Variants in RANBP2 observed in about 807,000 individuals in gnomAD.
The protein encoded by RANBP2 is E3 SUMO-protein ligase RanBP2.
RANBP2 carries 57 observed loss-of-function variants against 303.6 expected under a neutral mutation model. The ratio of observed to expected loss-of-function variants is 0.19; its 90% CI spans 0.15 to 0.23. The LOEUF (loss-of-function observed/expected upper bound fraction) is 0.23, where lower values mean the gene tolerates loss of function less well. Ranked by LOEUF, RANBP2 falls within the 10% of genes least tolerant of loss-of-function variation. RANBP2 has a pLI of 1.00. For missense variants in RANBP2, 3,138 were observed against 3,780.8 expected, an observed-to-expected ratio of 0.83 and a Z score of 4.46; for synonymous variants, 1,167 against 1,301.5, an observed-to-expected ratio of 0.90 and a Z score of 2.23.
At chr2:108,886,841 G>A in the RANBP2 span, among the ~76,000 whole-genome samples, 1 of 152,154 alleles carries the variant, frequency 6.6e-6, no homozygotes, top group Admixed American at 6.5e-5. Flanking sequence ...CTATTCATTA[G>A]GTTGTCTCTT....
At chr2:109,200,826 A>G in the RANBP2 span, among the ~76,000 whole-genome samples, 1 of 152,194 alleles carries the variant, frequency 6.6e-6, no homozygotes. Flanking sequence ...TTCACAGGAC[A>G]AGAGAAAAGC....
the RANBP2 span, among the ~76,000 whole-genome samples, chr2:109,756,422 A>T: frequency 7.8e-5 from 9 of 115,854 alleles, no homozygotes; most frequent in South Asian, 3.2e-4. Flanking sequence ...CAGATGAGGA[A>T]AGAGACAAAG....
the RANBP2 span, among the ~76,000 whole-genome samples, chr2:109,516,725 G>A: frequency 6.6e-6 from 1 of 152,250 alleles, no homozygotes; most frequent in African/African-American, 2.4e-5. Context: ...CAGTGCAAGC[G>A]GGATCCCCTC....
the RANBP2 span, chr2:109,545,761 AT>A: frequency 2.8e-6 from 4 of 1,426,186 alleles, no homozygotes; most frequent in Non-Finnish European, 3.6e-6. Context: ...AAGAGCAGCC[AT>A]TTTCCCCCAG....
the RANBP2 span, among the ~76,000 whole-genome samples, chr2:109,380,779 C>T: frequency 1.3e-5 from 2 of 152,198 alleles, no homozygotes; most frequent in African/African-American, 2.4e-5. Context: ...CCCTGCCCAC[C>T]AGGTGCCCCC....
the RANBP2 span, among the ~76,000 whole-genome samples, chr2:108,809,315 C>T: frequency 9.9e-5 from 15 of 152,100 alleles, no homozygotes; most frequent in Non-Finnish European, 1.9e-4. Flanking sequence ...TTCATGATTT[C>T]ATACACAGTT....
the RANBP2 span, among the ~76,000 whole-genome samples, chr2:109,243,805 G>A: frequency 3.3e-5 from 5 of 152,202 alleles, no homozygotes; most frequent in African/African-American, 7.2e-5. Context: ...TTCTCTGTGC[G>A]TTGGGAAGCC....
the RANBP2 span, among the ~76,000 whole-genome samples, chr2:109,201,488 C>T: frequency 6.6e-6 from 1 of 152,200 alleles, no homozygotes; most frequent in Non-Finnish European, 1.5e-5. Flanking sequence ...TCTCTCTCTC[C>T]CCCTGGCTAC....
At chr2:109,707,887 G>A in the RANBP2 span, among the ~76,000 whole-genome samples, 1 of 152,214 alleles carries the variant, frequency 6.6e-6, no homozygotes, top group Admixed American at 6.5e-5. Context: ...TCTCAGATAA[G>A]CTCTCCTTGG....
the RANBP2 span, among the ~76,000 whole-genome samples, chr2:109,398,071 C>T: frequency 2.0e-5 from 3 of 152,188 alleles, no homozygotes; most frequent in African/African-American, 7.2e-5. Context: ...GTGGTTTATG[C>T]TGACCAGAGC....
the RANBP2 span, among the ~76,000 whole-genome samples, chr2:109,013,062 C>T: frequency 6.6e-6 from 1 of 152,216 alleles, no homozygotes; most frequent in African/African-American, 2.4e-5. Context: ...ACACCTAACA[C>T]CTTATTTAAG....
rs1376784585 is a variant in RANBP2 at position 108,765,920 on chromosome 2, A to G, written c.5381A>G (p.Asn1794Ser). 3.7e-6 allele frequency: 6 copies of G among 1,614,062 alleles called. No individual in the cohort carries two copies. Among genetic ancestry groups the G allele is most frequent in the Middle Eastern group, 1.6e-4 (1 of 6,084 alleles). ...GATTGTAGTGTTTGCTGTGTACAAA[A>G]TGAGAGTTCTTCCTTAAAATGTGTG... ...QWDCSVCCVQ[N>S]ESSSLKCVAC... Residue 1794 changes from asparagine to serine, a missense_variant, in exon 20 of 29, where the codon AAT becomes AGT. Asn to Ser is a conservative substitution (Grantham distance 46, BLOSUM62 1). Coordinates refer to ENST00000283195, the MANE Select transcript of RANBP2 (RefSeq NM_006267.5).
At chr2:109,688,671 C>T in the RANBP2 span, among the ~76,000 whole-genome samples, 1 of 149,568 alleles carries the variant, frequency 6.7e-6, no homozygotes, top group Admixed American at 6.7e-5. Context: ...CCCAGCTACT[C>T]AGGAGGCTGA....
the RANBP2 span, among the ~76,000 whole-genome samples, chr2:109,020,791 A>G: frequency 6.6e-6 from 1 of 152,242 alleles, no homozygotes; most frequent in East Asian, 1.9e-4. Flanking sequence ...TCCAAAAGCC[A>G]TAGCCAGTAT....
chr2:109,446,377 C>G, the RANBP2 span, among the ~76,000 whole-genome samples: 2 of 152,204 alleles, frequency 1.3e-5, no homozygotes, highest in African/African-American at 4.8e-5. Context: ...AGCCATGTCC[C>G]CACCTCATGG....
chr2:108,879,698 A>C, the RANBP2 span, among the ~76,000 whole-genome samples: 1 of 152,164 alleles, frequency 6.6e-6, no homozygotes, highest in Non-Finnish European at 1.5e-5. Context: ...CATTTTATAG[A>C]TCAAAAAAGA....
the RANBP2 span, among the ~76,000 whole-genome samples, chr2:109,266,303 TTGTG>T: frequency 1.2e-4 from 18 of 151,420 alleles, no homozygotes; most frequent in African/African-American, 4.1e-4. Context: ...TGTGTATGTG[TTGTG>T]TGTGTGTTGT....
chr2:109,451,703 CA>C, the RANBP2 span, among the ~76,000 whole-genome samples: 1 of 152,238 alleles, frequency 6.6e-6, no homozygotes, highest in Admixed American at 6.5e-5. Context: ...GCTATATCAG[CA>C]AAGAACAGTT....
At chr2:108,820,713 A>ACT in the RANBP2 span, among the ~76,000 whole-genome samples, 1 of 48,500 alleles carries the variant, frequency 2.1e-5, no homozygotes, top group Non-Finnish European at 3.5e-5. Context: ...AAAAAAAAAA[A>ACT]AACAAACAAC....
Sources: gnomAD v4.1 joint callset for allele counts (sites outside exome capture counted in the v4.1 genomes callset) on GRCh38, gnomAD v4.1.1 for gene constraint, MANE v1.5 for transcripts, NCBI Gene and HGNC (gene_info 2026-07-23, HGNC 2026-07-21) for gene names.